DOCK6: variants seen among roughly 807,000 people sequenced by gnomAD.
The protein encoded by DOCK6 is dedicator of cytokinesis protein 6.
A neutral mutation model predicts 230.3 loss-of-function variants in DOCK6; 167 were observed. That is an observed-to-expected ratio of 0.73 (90% CI 0.64 to 0.82). DOCK6 has a LOEUF of 0.82. Ranked by LOEUF, DOCK6 falls within the 40% of genes least tolerant of loss-of-function variation. The pLI, the probability that DOCK6 is intolerant of heterozygous loss-of-function variation, is 0.00. For missense variants in DOCK6, 2,598 were observed against 2,825.8 expected (o/e 0.92, Z 1.83); for synonymous variants, 1,148 against 1,185.0 (o/e 0.97, Z 0.64).
intron 14 of DOCK6, chr19:11,241,826 G>A (rs1462266521): frequency 5.6e-6 from 8 of 1,422,114 alleles, no homozygotes; most frequent in Non-Finnish European, 7.7e-6. Context: ...ACAGAGCAGA[G>A]ACAGACGCAG....
chr19:11,213,600 A>G (rs1342753409), intron 34 of DOCK6, among the ~76,000 whole-genome samples: 1 of 151,272 alleles, frequency 6.6e-6, no homozygotes, highest in Non-Finnish European at 1.5e-5. Flanking sequence ...TAAGTGCTCA[A>G]TGAATGAGCT....
intron 14 of DOCK6, chr19:11,241,680 C>A (rs866883516): frequency 1.9e-6 from 3 of 1,583,374 alleles, no homozygotes; most frequent in Non-Finnish European, 2.6e-6. Flanking sequence ...GCGGCGCTCC[C>A]AGCCTGAATC....
rs1391983472 is a variant in DOCK6 at position 11,238,087 on chromosome 19, T to C, written c.1790A>G (p.Glu597Gly). The C allele has an allele frequency of 1.9e-6, 3 of 1,613,854 alleles. No homozygotes were observed. Among genetic ancestry groups the C allele is most frequent in the Non-Finnish European group, 2.5e-6 (3 of 1,179,858 alleles). ...CGGTGTGAAGGCCTCGCGGGTAAAT[T>C]CACTGCAGCTGGACTTGCCAAAGAT... Reference protein sequence around the residue: ...PVIFGKSSCSEFTREAFTPVV... With the variant: ...PVIFGKSSCSGFTREAFTPVV... Residue 597 changes from glutamate (E) to glycine (G), a missense_variant, in exon 16 of 48, where the codon GAA becomes GGA. By Grantham distance (98) the Glu-to-Gly change is moderately conservative. Coordinates refer to ENST00000294618, the MANE Select transcript of DOCK6 (RefSeq NM_020812.4).
intron 21 of DOCK6, among the ~76,000 whole-genome samples, chr19:11,234,602 T>G (rs906510526): frequency 2.0e-5 from 3 of 151,210 alleles, no homozygotes; most frequent in Admixed American, 6.6e-5. Context: ...AGTGCCCCCA[T>G]GAGGTGGGTA....
chr19:11,238,675 C>G (rs1279389767), intron 14 of DOCK6: 1 of 210,678 alleles, frequency 4.7e-6, no homozygotes, highest in African/African-American at 2.2e-5. Flanking sequence ...AGCCTAAGCC[C>G]CACCCAAGGG....
Position 11,202,391 on chromosome 19 carries a change from C to T in DOCK6, c.5451+3G>A. On this transcript the variant is annotated splice_donor_region_variant and intron_variant, in intron 43 of 47. Transcript: ENST00000294618. The surrounding 1 kb of genome is among the most constrained non-coding windows in gnomAD (Gnocchi z 5.3). Reference sequence around the variant, plus strand: ...ATTTTGGGGAAATGGTTGGGGGACCCACCTTTTGTGAGTCAAGCTTGGACT... The same window carrying T: ...ATTTTGGGGAAATGGTTGGGGGACCTACCTTTTGTGAGTCAAGCTTGGACT... 6.2e-7 allele frequency: 1 copy of T among 1,613,440 alleles called. No individual in the cohort carries two copies. Among genetic ancestry groups the T allele is most frequent in the African/African-American group, 1.3e-5 (1 of 75,052 alleles).
chr19:11,231,066 A>G (rs1291900617), intron 22 of DOCK6, among the ~76,000 whole-genome samples: 1 of 152,168 alleles, frequency 6.6e-6, no homozygotes, highest in Non-Finnish European at 1.5e-5. Context: ...ATTCCCAGCA[A>G]TCCAAGGAAA....
At position 11,211,775 on chromosome 19, in the gene DOCK6, C is replaced by T. The variant is rs867039578; in HGVS notation, c.4751+1G>A. The stretch of plus-strand genomic sequence containing the variant: ...TGAAGGTGCCAGCTGGCCCACCTCA[C>T]CTGTACATGAGGTCGATGAGCATCT... On this transcript the variant is annotated splice_donor_variant, in intron 37 of 47. Transcript: ENST00000294618. LOFTEE classifies it high-confidence loss of function. 6.5e-7 allele frequency: 1 copy of T among 1,548,552 alleles called. No homozygotes were observed. The highest frequency in any genetic ancestry group is 1.4e-5 in the African/African-American group (1 of 73,120).
At chr19:11,223,170 T>C in intron 24 of DOCK6, 64 bp from the exon 25 acceptor site, 1 of 1,452,636 alleles carries the variant, frequency 6.9e-7, no homozygotes, top group Non-Finnish European at 9.5e-7. Flanking sequence ...GGCTTGGCTC[T>C]CACCAAGATC....
rs575393820 is a variant in DOCK6, at chr19:11,236,710, C to T, written c.2160+83G>A. The T allele has an allele frequency of 9.2e-6, 14 of 1,523,764 alleles. No homozygotes were observed. In the Middle Eastern group the frequency reaches 5.1e-4, roughly 55 times the overall value. The allele number at this position is 1,523,764 out of a possible 1,614,324, so 94.4% of individuals were successfully genotyped here. On this transcript the variant is annotated intron_variant, in intron 19 of 47. Transcript: ENST00000294618. This position sits in a 1 kb window ranked among gnomAD's most constrained non-coding sequence, Gnocchi z 5.2. ...TCCAAGGCCTGAGGCCAGACCTCCC[C>T]GGCCATCGGCAACTGTTACTCAATC...
In DOCK6 at chr19:11,208,814, C is replaced by T. The variant is rs772437948; in HGVS notation, c.4960G>A (p.Val1654Met). 5.0e-6 allele frequency: 8 copies of T among 1,613,444 alleles called. No homozygotes were observed. The African/African-American group carries it at 6.7e-5, about 13-fold the overall frequency. Reference sequence around the variant, plus strand: ...TCGGAGATGGCGGACTCCTCTAGCACGTTGGATGAGATGTTCTGGGGTGGG... The same window carrying T: ...TCGGAGATGGCGGACTCCTCTAGCATGTTGGATGAGATGTTCTGGGGTGGG... ...CVSFQNISSN[V>M]LEESAISDDI... Residue 1654 changes from valine to methionine, a missense_variant, in exon 39 of 48, where the codon GTG (valine) becomes ATG (methionine). Coordinates refer to ENST00000294618, the MANE Select transcript of DOCK6 (RefSeq NM_020812.4).
chr19:11,239,693 C>T (rs2079909577), intron 14 of DOCK6: 1 of 1,613,714 alleles, frequency 6.2e-7, no homozygotes, highest in Non-Finnish European at 8.5e-7. Flanking sequence ...ACCCGGCCTG[C>T]CTCAGCGGCC....
intron 2 of DOCK6, 73 bp downstream of exon 2, chr19:11,253,566 C>A (rs1372429661): frequency 1.0e-5 from 11 of 1,048,566 alleles, no homozygotes; most frequent in Middle Eastern, 3.1e-4. Context: ...TGGGATAGAA[C>A]CTAGGCCAAG....
chr19:11,228,775 G>A, intron 23 of DOCK6, 165 bp downstream of exon 23: 4 of 583,444 alleles, frequency 6.9e-6, no homozygotes, highest in Non-Finnish European at 3.0e-6. Flanking sequence ...TGTTAGCCAG[G>A]ATGGTCTCGA....
At position 11,226,384 on chromosome 19, in the gene DOCK6, C is replaced by T. The variant is rs143498391; in HGVS notation, c.2955+953G>A. 3.1e-4 allele frequency among the ~76,000 whole-genome samples: 47 copies of T among 152,262 alleles called. No individual in the cohort carries two copies. The East Asian group carries it at 3.3e-3, about 11-fold the overall frequency. On this transcript the variant is annotated intron_variant, in intron 24 of 47. Coordinates refer to ENST00000294618, the MANE Select transcript of DOCK6 (RefSeq NM_020812.4). ...TTTAATGATACGATCCAAGGCCGGG[C>T]GCGGTGGCTCACGCCTGTAATCCCA...
chr19:11,222,153 G>C lies in DOCK6; in HGVS notation c.3336C>G (p.Leu1112=). ...GGGCCAGTGCCAGCTCCGTCAGCAG[G>C]AGCCCAGCTAGGAAGTGCTGCTGCC... ...PFRQQHFLAG[L]LLTELALALE... The change falls in exon 27 of 48, where the codon CTC becomes CTG. Residue 1112 remains leucine (L), a synonymous_variant. Transcript: ENST00000294618. The surrounding 1 kb of genome is among the most constrained non-coding windows in gnomAD (Gnocchi z 4.0). 6.2e-7 allele frequency: 1 copy of C among 1,612,628 alleles called. No individual in the cohort carries two copies. The highest frequency in any genetic ancestry group is 8.5e-7 in the Non-Finnish European group (1 of 1,179,406).
intron 21 of DOCK6, among the ~76,000 whole-genome samples, chr19:11,234,296 C>T (rs1451938717): frequency 2.0e-5 from 3 of 151,714 alleles, no homozygotes; most frequent in Non-Finnish European, 4.4e-5. Context: ...CTGTGCCTGG[C>T]GTATTTTATT....
chr19:11,225,522 C>T (rs1013333745), intron 24 of DOCK6, among the ~76,000 whole-genome samples: 1 of 150,256 alleles, frequency 6.7e-6, no homozygotes, highest in African/African-American at 2.4e-5. Context: ...CCCATCTCTA[C>T]ACACACACAC....
In DOCK6 at chr19:11,257,482, T is replaced by TAAA. The variant is rs35933920; in HGVS notation, c.45-3759_45-3757dup. Among the ~76,000 whole-genome samples the TAAA allele has an allele frequency of 8.5e-3, 668 of 78,430 alleles. 20 individuals are homozygous for TAAA. Among genetic ancestry groups the TAAA allele is most frequent in the Middle Eastern group, 0.024 (2 of 84 alleles). 51.5% of individuals were successfully genotyped at this position (78,430 alleles called of 152,430 possible). The stretch of plus-strand genomic sequence containing the variant: ...CCTGGGCTACAGAGACACTGTCTCT[T>TAAA]AAAAAAAAAAAAAAAAAAAAAAAAA... On this transcript the variant is annotated intron_variant, in intron 1 of 47. Coordinates refer to ENST00000294618, the MANE Select transcript of DOCK6 (RefSeq NM_020812.4).
Sources: gnomAD v4.1 joint callset for allele counts (sites outside exome capture counted in the v4.1 genomes callset) on GRCh38, gnomAD v4.1.1 for gene constraint, Gnocchi (gnomAD v3.1) non-coding constraint, MANE v1.5 for transcripts, NCBI Gene and HGNC (gene_info 2026-07-23, HGNC 2026-07-21) for gene names.